FOXK1: variants seen among roughly 807,000 people sequenced by gnomAD.
The protein encoded by FOXK1 is forkhead box protein K1.
FOXK1 carries 19 observed loss-of-function variants against 51.9 expected under a neutral mutation model. That is an observed-to-expected ratio of 0.37 (90% CI 0.26 to 0.54). The LOEUF is 0.54. Among genes scored for constraint, FOXK1 ranks in the 20% least tolerant of loss-of-function variants. The pLI is 0.87. For synonymous variants in FOXK1, 537 were observed against 482.6 expected (o/e 1.11, Z -1.48); for missense variants, 870 against 1,032.7 (o/e 0.84, Z 2.16).
At position 4,761,017 on chromosome 7, in the gene FOXK1, T is replaced by C; in HGVS notation, c.1697-47T>C. On this transcript the variant is annotated intron_variant, in intron 7 of 8. Transcript: ENST00000328914. The surrounding 1 kb of genome is among the most constrained non-coding windows in gnomAD (Gnocchi z 6.2). Reference sequence around the variant, plus strand: ...GCTGCCCAGGCGTCGAGGAAATCGATTGTCTCGTTGGCCGAGTGTGGTGCT... The same window carrying C: ...GCTGCCCAGGCGTCGAGGAAATCGACTGTCTCGTTGGCCGAGTGTGGTGCT... The C allele has an allele frequency of 6.4e-7, 1 of 1,564,082 alleles. No homozygotes were observed. Among genetic ancestry groups the C allele is most frequent in the Non-Finnish European group, 8.8e-7 (1 of 1,138,170 alleles).
chr7:4,685,992 T>A (rs1295181744), intron 1 of FOXK1, among the ~76,000 whole-genome samples: 1 of 151,668 alleles, frequency 6.6e-6, no homozygotes, highest in Non-Finnish European at 1.5e-5. Context: ...TTCTTAAGCC[T>A]ATTATGTTGA....
intron 1 of FOXK1, among the ~76,000 whole-genome samples, chr7:4,701,912 TA>T (rs1241262408): frequency 6.6e-6 from 1 of 151,574 alleles, no homozygotes; most frequent in Non-Finnish European, 1.5e-5. Context: ...TATAAATAAA[TA>T]AAAAGTAAAA....
At chr7:4,719,127 TTTTGTTTG>T (rs1363548106) in intron 1 of FOXK1, among the ~76,000 whole-genome samples, 2 of 127,236 alleles carry the variant, frequency 1.6e-5, no homozygotes, top group African/African-American at 3.2e-5. Flanking sequence ...TTTGTTTTTT[TTTTGTTTG>T]TTTTGTTTGT....
Position 4,711,392 on chromosome 7 carries a change from AGCC to A in FOXK1, c.560+28525_560+28527del, listed in dbSNP as rs1225232515. Among the ~76,000 whole-genome samples the A allele has an allele frequency of 1.3e-5, 2 of 152,144 alleles. No homozygotes were observed. The highest frequency in any genetic ancestry group is 6.6e-5 in the Admixed American group (1 of 15,264). On this transcript the variant is annotated intron_variant, in intron 1 of 8. Coordinates refer to ENST00000328914, the MANE Select transcript of FOXK1 (RefSeq NM_001037165.2). The surrounding 1 kb of genome is among the most constrained non-coding windows in gnomAD (Gnocchi z 6.3). The stretch of plus-strand genomic sequence containing the variant: ...GTGTGGCAGTCCGGGGGTGGGTCCC[AGCC>A]AGCCGCCAGCTCTCCCTGGAGTGAT...
intron 1 of FOXK1, among the ~76,000 whole-genome samples, chr7:4,724,799 G>C (rs952202112): frequency 2.0e-5 from 3 of 152,208 alleles, no homozygotes; most frequent in African/African-American, 7.2e-5. Context: ...AGAGAGGAGG[G>C]AGGGATGGTG....
intron 1 of FOXK1, among the ~76,000 whole-genome samples, chr7:4,724,984 A>G (rs1428407256): frequency 6.6e-6 from 1 of 152,070 alleles, no homozygotes; most frequent in Non-Finnish European, 1.5e-5. Context: ...GGGAGAGGAG[A>G]AGTGGGTTTG....
intron 1 of FOXK1, among the ~76,000 whole-genome samples, chr7:4,738,307 C>T (rs1382813783): frequency 6.6e-6 from 1 of 151,258 alleles, no homozygotes; most frequent in East Asian, 1.9e-4. Flanking sequence ...CGTGGTGGTG[C>T]GTGCCTGTAA....
chr7:4,737,552 C>CGTGTGTGTGTGTG (rs1780570317), intron 1 of FOXK1, among the ~76,000 whole-genome samples: 16 of 148,876 alleles, frequency 1.1e-4, no homozygotes, highest in African/African-American at 3.7e-4. Flanking sequence ...GTGTGCGTGC[C>CGTGTGTGTGTGTG]TGTGTGTGTG....
rs1440177734 is a variant in FOXK1 at position 4,748,807 on chromosome 7, TA to T, written c.747-5651del. ...GAGCCTCCTGCCTCAGCCTCCCGAG[TA>T]GTAGGGACTACAGGTGTGCACCACC... On this transcript the variant is annotated intron_variant, in intron 2 of 8. Transcript: ENST00000328914. This position sits in a 1 kb window ranked among gnomAD's most constrained non-coding sequence, Gnocchi z 4.9. Among the ~76,000 whole-genome samples the T allele has an allele frequency of 6.6e-6, 1 of 152,098 alleles. No homozygotes were observed. The highest frequency in any genetic ancestry group is 2.4e-5 in the African/African-American group (1 of 41,424).
intron 1 of FOXK1, among the ~76,000 whole-genome samples, chr7:4,685,525 C>CTT (rs79117434): frequency 3.7e-5 from 5 of 134,872 alleles, no homozygotes; most frequent in Non-Finnish European, 4.8e-5. Context: ...CCCGGCCTCA[C>CTT]TTTTTTTTTT....
chr7:4,748,883 T>C lies in FOXK1; in HGVS notation c.747-5576T>C, dbSNP rs1287648766. On this transcript the variant is annotated intron_variant, in intron 2 of 8. Transcript: ENST00000328914. The surrounding 1 kb of genome is among the most constrained non-coding windows in gnomAD (Gnocchi z 4.9). ...TTGTAGAGGTGGGGTCTCCCCATGT[T>C]GCCCAGGCTGGTCTTGAACTCCTGT... 6.6e-6 allele frequency among the ~76,000 whole-genome samples: 1 copy of C among 152,178 alleles called. No homozygotes were observed. Among genetic ancestry groups the C allele is most frequent in the East Asian group, 1.9e-4 (1 of 5,190 alleles).
chr7:4,771,250 A>G lies in FOXK1; in HGVS notation c.*8786A>G, dbSNP rs368159006. On this transcript the variant is annotated 3_prime_UTR_variant, in exon 9 of 9. Coordinates refer to ENST00000328914, the MANE Select transcript of FOXK1 (RefSeq NM_001037165.2). ...TTTTTTTTAAGAGTTTGAGATCTGA[A>G]TGTGATTTCTAATTGTATCAGACGT... 5 of 152,686 alleles carry G rather than the reference A, an allele frequency of 3.3e-5. No individual in the cohort carries two copies. The East Asian group carries it at 9.6e-4, about 29-fold the overall frequency. The allele number at this position is 152,686 out of a possible 1,614,324, so 9.5% of individuals were successfully genotyped here. A position where few individuals can be genotyped will look rare whatever the true frequency, so the allele number is the denominator to read the frequency against.
rs968377576 is a variant in FOXK1 at position 4,735,924 on chromosome 7, C to A, written c.561-4914C>A. Among the ~76,000 whole-genome samples, 1 of 152,060 alleles carries A rather than the reference C, an allele frequency of 6.6e-6. No homozygotes were observed. Among genetic ancestry groups the A allele is most frequent in the Admixed American group, 6.5e-5 (1 of 15,270 alleles). ...ATCCCAGCACTTTGAGAGGCTGATG[C>A]GGGTGGATCACTTGAGGTCAGGAGT... On this transcript the variant is annotated intron_variant, in intron 1 of 8. Transcript: ENST00000328914. This position sits in a 1 kb window ranked among gnomAD's most constrained non-coding sequence, Gnocchi z 4.7.
chr7:4,697,327 G>C lies in FOXK1; in HGVS notation c.560+14459G>C, dbSNP rs549426901. The stretch of plus-strand genomic sequence containing the variant: ...AGGAAGAAGATGACAGTGGCCTGCT[G>C]AACAGCTAGCCGGTATTCACGGCCA... On this transcript the variant is annotated intron_variant, in intron 1 of 8. Transcript: ENST00000328914. Among the ~76,000 whole-genome samples the C allele has an allele frequency of 2.0e-5, 3 of 152,350 alleles. No homozygotes were observed. The East Asian group carries it at 5.8e-4, about 29-fold the overall frequency.
chr7:4,713,957 G>T (rs1366785058), intron 1 of FOXK1, among the ~76,000 whole-genome samples: 1 of 151,712 alleles, frequency 6.6e-6, no homozygotes, highest in Non-Finnish European at 1.5e-5. Flanking sequence ...CTCCCAAGTA[G>T]CTGGGATTAC....
At chr7:4,706,204 A>G (rs79070045) in intron 1 of FOXK1, among the ~76,000 whole-genome samples, 8,610 of 151,916 alleles carry the variant, frequency 0.057, 363 homozygotes, top group African/African-American at 0.13. Flanking sequence ...GTTTCCATTT[A>G]AAGAGATCTA....
chr7:4,706,330 T>A (rs1371662052), intron 1 of FOXK1, among the ~76,000 whole-genome samples: 5 of 152,162 alleles, frequency 3.3e-5, no homozygotes, highest in Non-Finnish European at 5.9e-5. Context: ...CTGTGAATGA[T>A]CTGTTTAAGT....
intron 1 of FOXK1, among the ~76,000 whole-genome samples, chr7:4,736,838 C>G (rs1780558933): frequency 6.6e-6 from 1 of 152,202 alleles, no homozygotes; most frequent in African/African-American, 2.4e-5. Flanking sequence ...AACCAATTTT[C>G]TCTTTTGGTG....
intron 1 of FOXK1, 89 bp from the exon 2 acceptor site, chr7:4,740,749 T>A (rs1780622552): frequency 1.5e-6 from 2 of 1,343,862 alleles, no homozygotes; most frequent in African/African-American, 3.1e-5. Flanking sequence ...GTCCAGTTAC[T>A]TAGACACACA....
Sources: gnomAD v4.1 joint callset for allele counts (sites outside exome capture counted in the v4.1 genomes callset) on GRCh38, gnomAD v4.1.1 for gene constraint, Gnocchi (gnomAD v3.1) non-coding constraint, MANE v1.5 for transcripts, NCBI Gene and HGNC (gene_info 2026-07-23, HGNC 2026-07-21) for gene names.